Variants in UTP23 observed in about 807,000 individuals in gnomAD.
UTP23 encodes the protein UTP23 small subunit processome component.
UTP23 carries 10 observed loss-of-function variants against 19.8 expected under a neutral mutation model. The ratio of observed to expected loss-of-function variants is 0.50; its 90% confidence interval spans 0.31 to 0.86. The LOEUF (loss-of-function observed/expected upper bound fraction) is 0.86, where lower values mean the gene tolerates loss of function less well. Ranked by LOEUF, UTP23 falls within the 40% of genes least tolerant of loss-of-function variation. The pLI is 0.05. For synonymous variants in UTP23, 108 were observed against 105.4 expected (o/e 1.02, Z -0.15); for missense variants, 282 against 293.1 (o/e 0.96, Z 0.28).
Position 116,773,820 on chromosome 8 carries a change from A to G in UTP23, c.*1978A>G. On this transcript the variant is annotated 3_prime_UTR_variant, in exon 3 of 3. Transcript: ENST00000309822. ...TGAAACCCCGTCTCAAAAATAAATA[A>G]ATAAATAAGTTTACTATTTTAAAAC... 5.4e-6 allele frequency: 4 copies of G among 743,426 alleles called. No individual in the cohort carries two copies. The highest frequency in any genetic ancestry group is 6.6e-6 in the Non-Finnish European group (4 of 609,248). 46.1% of individuals were successfully genotyped at this position (743,426 alleles called of 1,614,324 possible). A position where few individuals can be genotyped will look rare whatever the true frequency, so the allele number is the denominator to read the frequency against.
rs540361623 is a variant in UTP23 at position 116,774,376 on chromosome 8, C to T, written c.*2534C>T. ...AAAGGATCTCATGTTTCTGAATCTG[C>T]GTAAAGCAAGATGGCTGTGATTTGA... On this transcript the variant is annotated 3_prime_UTR_variant, in exon 3 of 3. Transcript: ENST00000309822. 4.9e-5 allele frequency: 48 copies of T among 984,976 alleles called. No individual in the cohort carries two copies. The highest frequency in any genetic ancestry group is 2.4e-4 in the African/African-American group (14 of 57,238). The allele number at this position is 984,976 out of a possible 1,614,324, so 61.0% of individuals were successfully genotyped here.
chr8:116,768,112 C>T (rs966622431), intron 1 of UTP23, among the ~76,000 whole-genome samples: 1 of 152,136 alleles, frequency 6.6e-6, no homozygotes, highest in Non-Finnish European at 1.5e-5. Context: ...TTAATAGTCT[C>T]CTTTTCCTCA....
chr8:116,769,748 A>G (rs1815626937), intron 1 of UTP23, among the ~76,000 whole-genome samples: 1 of 152,214 alleles, frequency 6.6e-6, no homozygotes. Flanking sequence ...ATGTTTTGAA[A>G]GTATACCAAT....
chr8:116,773,615 T>C lies in UTP23; in HGVS notation c.*1773T>C. 3.9e-6 allele frequency: 2 copies of C among 509,412 alleles called. No individual in the cohort carries two copies. The highest frequency in any genetic ancestry group is 5.1e-6 in the Non-Finnish European group (2 of 395,284). 31.6% of individuals were successfully genotyped at this position (509,412 alleles called of 1,614,324 possible). A position where few individuals can be genotyped will look rare whatever the true frequency, so the allele number is the denominator to read the frequency against. The stretch of plus-strand genomic sequence containing the variant: ...TCACAAAATTAAGAGATCAAGACCA[T>C]CCTGGCCAACATGGTGAAACCCTGT... On this transcript the variant is annotated 3_prime_UTR_variant, in exon 3 of 3. Transcript: ENST00000309822.
At position 116,772,058 on chromosome 8, in the gene UTP23, T is replaced by G; in HGVS notation, c.*216T>G. 1 of 1,176,156 alleles carries G rather than the reference T, an allele frequency of 8.5e-7. No homozygotes were observed. The allele number at this position is 1,176,156 out of a possible 1,614,324, so 72.9% of individuals were successfully genotyped here. On this transcript the variant is annotated 3_prime_UTR_variant, in exon 3 of 3. Transcript: ENST00000309822. ...TTAGCTGGGCATGATGGTGCACAGT[T>G]GTAATTCCAGCTACTCAGGAGGCTG...
In UTP23 at chr8:116,774,079, C is replaced by T; in HGVS notation, c.*2237C>T. On this transcript the variant is annotated 3_prime_UTR_variant, in exon 3 of 3. Coordinates refer to ENST00000309822, the MANE Select transcript of UTP23 (RefSeq NM_032334.3). Reference sequence around the variant, plus strand: ...TGGTTTGGAAAAAGAAAATGTTAACCTCTGCTTTAGAGGGTAGCTACTAGC... The same window carrying T: ...TGGTTTGGAAAAAGAAAATGTTAACTTCTGCTTTAGAGGGTAGCTACTAGC... 1 of 985,326 alleles carries T rather than the reference C, an allele frequency of 1.0e-6. No homozygotes were observed. Among genetic ancestry groups the T allele is most frequent in the South Asian group, 4.7e-5 (1 of 21,270 alleles). The allele number at this position is 985,326 out of a possible 1,614,324, so 61.0% of individuals were successfully genotyped here. A position where few individuals can be genotyped will look rare whatever the true frequency, so the allele number is the denominator to read the frequency against.
chr8:116,773,384 A>T lies in UTP23; in HGVS notation c.*1542A>T, dbSNP rs1815684443. On this transcript the variant is annotated 3_prime_UTR_variant, in exon 3 of 3. Coordinates refer to ENST00000309822, the MANE Select transcript of UTP23 (RefSeq NM_032334.3). ...CTAAAATACATTAAATTTAGGTATT[A>T]CTCTTAATCTATTTCTACTTAGTCA... The T allele has an allele frequency of 2.1e-6, 2 of 974,454 alleles. No individual in the cohort carries two copies. The highest frequency in any genetic ancestry group is 1.8e-5 in the African/African-American group (1 of 56,980). 60.4% of individuals were successfully genotyped at this position (974,454 alleles called of 1,614,324 possible). A position where few individuals can be genotyped will look rare whatever the true frequency, so the allele number is the denominator to read the frequency against.
rs1815660357 is a variant in UTP23 at position 116,771,816 on chromosome 8, G to C, written c.724G>C (p.Glu242Gln). 6.3e-7 allele frequency: 1 copy of C among 1,583,796 alleles called. No individual in the cohort carries two copies. Among genetic ancestry groups the C allele is most frequent in the Non-Finnish European group, 8.5e-7 (1 of 1,172,354 alleles). The change falls in exon 3 of 3, where the codon GAG becomes CAG. Residue 242 changes from glutamate to glutamine, a missense_variant. Physicochemically the swap from Glu to Gln is conservative, Grantham distance 29 (BLOSUM62 2). Coordinates refer to ENST00000309822, the MANE Select transcript of UTP23 (RefSeq NM_032334.3). Reference protein sequence around the residue: ...RNRSNPKVLSEKQNAEGE With the variant: ...RNRSNPKVLSQKQNAEGE ...CAGATCTAACCCAAAAGTACTTTCT[G>C]AGAAGCAGAATGCAGAAGGAGAATG...
chr8:116,767,255 G>A (rs1159134389), intron 1 of UTP23, among the ~76,000 whole-genome samples: 1 of 152,176 alleles, frequency 6.6e-6, no homozygotes, highest in African/African-American at 2.4e-5. Flanking sequence ...GCTTTTCTTA[G>A]TTTAAACCAA....
Position 116,770,381 on chromosome 8 carries a change from A to G in UTP23, c.363+15A>G, listed in dbSNP as rs531517164. On this transcript the variant is annotated intron_variant, in intron 2 of 2. Transcript: ENST00000309822. ...TGGCAACACAGGTGATACTACTTTT[A>G]AAACCACAGGCAATTTTCACCATTT... The G allele has an allele frequency of 1.3e-5, 20 of 1,582,410 alleles. No homozygotes were observed. In the African/African-American group the frequency reaches 2.7e-4, roughly 21 times the overall value.
intron 1 of UTP23, among the ~76,000 whole-genome samples, chr8:116,769,852 C>T (rs1815628050): frequency 6.6e-6 from 1 of 152,130 alleles, no homozygotes. Context: ...GTTACTTGAA[C>T]TTTGGCATGT....
At position 116,774,467 on chromosome 8, in the gene UTP23, TA is replaced by T; in HGVS notation, c.*2631del. The T allele has an allele frequency of 1.0e-6, 1 of 966,604 alleles. No homozygotes were observed. Among genetic ancestry groups the T allele is most frequent in the Non-Finnish European group, 1.2e-6 (1 of 812,998 alleles). The allele number at this position is 966,604 out of a possible 1,614,324, so 59.9% of individuals were successfully genotyped here. A position where few individuals can be genotyped will look rare whatever the true frequency, so the allele number is the denominator to read the frequency against. ...ATAGTTTGGAGTCTTTAAAATGTTTTAAAAAATGTTTGCTTACTATCTATAT... is the reference window on the plus strand; with the variant it reads ...ATAGTTTGGAGTCTTTAAAATGTTTTAAAAATGTTTGCTTACTATCTATAT... On this transcript the variant is annotated 3_prime_UTR_variant, in exon 3 of 3. Coordinates refer to ENST00000309822, the MANE Select transcript of UTP23 (RefSeq NM_032334.3).
chr8:116,774,573 A>G lies in UTP23; in HGVS notation c.*2731A>G, dbSNP rs779019678. The G allele has an allele frequency of 6.6e-6, 4 of 602,164 alleles. No homozygotes were observed. Among genetic ancestry groups the G allele is most frequent in the Middle Eastern group, 8.4e-4 (1 of 1,188 alleles). 37.3% of individuals were successfully genotyped at this position (602,164 alleles called of 1,614,324 possible). A position where few individuals can be genotyped will look rare whatever the true frequency, so the allele number is the denominator to read the frequency against. ...GGTATATACACATATGTATATATACATAGTCTATATATTCTATATAAGAAT... is the reference window on the plus strand; with the variant it reads ...GGTATATACACATATGTATATATACGTAGTCTATATATTCTATATAAGAAT... On this transcript the variant is annotated 3_prime_UTR_variant, in exon 3 of 3. Coordinates refer to ENST00000309822, the MANE Select transcript of UTP23 (RefSeq NM_032334.3).
rs746573055 is a variant in UTP23, at chr8:116,766,587, G to A, written c.-17G>A. Reference sequence around the variant, plus strand: ...GATGCTTCCTGGTCCGGTGGCCTCGGTCCCGGTAAGCCAGGCATGAAGATC... The same window carrying A: ...GATGCTTCCTGGTCCGGTGGCCTCGATCCCGGTAAGCCAGGCATGAAGATC... On this transcript the variant is annotated 5_prime_UTR_variant, in exon 1 of 3. Transcript: ENST00000309822. 1.0e-5 allele frequency: 16 copies of A among 1,607,434 alleles called. No individual in the cohort carries two copies. Among genetic ancestry groups the A allele is most frequent in the Non-Finnish European group, 1.3e-5 (15 of 1,176,320 alleles).
chr8:116,772,158 G>A lies in UTP23; in HGVS notation c.*316G>A. On this transcript the variant is annotated 3_prime_UTR_variant, in exon 3 of 3. Coordinates refer to ENST00000309822, the MANE Select transcript of UTP23 (RefSeq NM_032334.3). ...GTTCGTGTCACTTCACTCCAGCCTG[G>A]GCAACAGAGTGAGAACATGTCTCAA... The A allele has an allele frequency of 9.7e-7, 1 of 1,032,496 alleles. No homozygotes were observed. Among genetic ancestry groups the A allele is most frequent in the Non-Finnish European group, 1.2e-6 (1 of 861,040 alleles). 64.0% of individuals were successfully genotyped at this position (1,032,496 alleles called of 1,614,324 possible).
In UTP23 at chr8:116,773,431, A is replaced by C. The variant is rs1815684939; in HGVS notation, c.*1589A>C. The C allele has an allele frequency of 1.0e-6, 1 of 980,558 alleles. No individual in the cohort carries two copies. The highest frequency in any genetic ancestry group is 6.2e-5 in the Admixed American group (1 of 16,256). The allele number at this position is 980,558 out of a possible 1,614,324, so 60.7% of individuals were successfully genotyped here. ...GTCAGTGCTATCTGATTACCTGTTAATAGCATCTGAACTGGAGAGCTGGAA... is the reference window on the plus strand; with the variant it reads ...GTCAGTGCTATCTGATTACCTGTTACTAGCATCTGAACTGGAGAGCTGGAA... On this transcript the variant is annotated 3_prime_UTR_variant, in exon 3 of 3. Coordinates refer to ENST00000309822, the MANE Select transcript of UTP23 (RefSeq NM_032334.3).
rs1815671169 is a variant in UTP23 at position 116,772,476 on chromosome 8, CAATT to C, written c.*636_*639del. ...ATTATACCGCTACTTTTTGATACAT[CAATT>C]ATTTATTGACTTCCTACTAGAAAGA... On this transcript the variant is annotated 3_prime_UTR_variant, in exon 3 of 3. Coordinates refer to ENST00000309822, the MANE Select transcript of UTP23 (RefSeq NM_032334.3). 1 of 965,152 alleles carries C rather than the reference CAATT, an allele frequency of 1.0e-6. No homozygotes were observed. Among genetic ancestry groups the C allele is most frequent in the Non-Finnish European group, 1.2e-6 (1 of 811,570 alleles). 59.8% of individuals were successfully genotyped at this position (965,152 alleles called of 1,614,324 possible).
chr8:116,767,837 C>T (rs573709477), intron 1 of UTP23, among the ~76,000 whole-genome samples: 1 of 152,254 alleles, frequency 6.6e-6, no homozygotes, highest in South Asian at 2.1e-4. Flanking sequence ...ATTAAAATGA[C>T]TCATAATACC....
rs771063567 is a variant in UTP23 at position 116,770,302 on chromosome 8, G to T, written c.299G>T (p.Gly100Val). 6.2e-7 allele frequency: 1 copy of T among 1,614,032 alleles called. No individual in the cohort carries two copies. The highest frequency in any genetic ancestry group is 8.5e-7 in the Non-Finnish European group (1 of 1,179,934). The stretch of plus-strand genomic sequence containing the variant: ...CCTCATTTCAAGAATGCAGTGAGTG[G>T]ATCAGAATGTCTGCTTTCCATGGTT... Reference protein sequence around the residue: ...NCPHFKNAVSGSECLLSMVEE... With the variant: ...NCPHFKNAVSVSECLLSMVEE... The change falls in exon 2 of 3, where the codon GGA (glycine) becomes GTA (valine). Residue 100 changes from glycine to valine, a missense_variant. Gly to Val is a moderately radical substitution (Grantham distance 109). Coordinates refer to ENST00000309822, the MANE Select transcript of UTP23 (RefSeq NM_032334.3).
Sources: allele counts gnomAD v4.1 joint callset (sites outside exome capture counted in the v4.1 genomes callset), GRCh38; gene constraint gnomAD v4.1.1; transcripts MANE v1.5; gene names NCBI Gene and HGNC (gene_info 2026-07-23, HGNC 2026-07-21).